Variants in DLG2 observed in about 807,000 individuals in gnomAD.
DLG2 encodes the protein disks large homolog 2.
A neutral mutation model predicts 132.5 loss-of-function variants in DLG2; 45 were observed. That is an observed-to-expected ratio of 0.34 (90% CI 0.27 to 0.44). The LOEUF (loss-of-function observed/expected upper bound fraction) is 0.44, where lower values mean the gene tolerates loss of function less well. Ranked by LOEUF, DLG2 falls within the 20% of genes least tolerant of loss-of-function variation. The pLI is 1.00. For missense variants in DLG2, 1,045 were observed against 1,196.9 expected (o/e 0.87, Z 1.87); for synonymous variants, 424 against 419.6 (o/e 1.01, Z -0.13).
chr11:85,151,380 TTG>T (rs2077238001), intron 5 of DLG2, among the ~76,000 whole-genome samples: 1 of 14,064 alleles, frequency 7.1e-5, no homozygotes, highest in Admixed American at 1.0e-3. Context: ...GCAGTACAAT[TTG>T]TTTTTTTTTT....
chr11:84,376,489 T>C (rs956847940), intron 7 of DLG2, among the ~76,000 whole-genome samples: 12 of 151,986 alleles, frequency 7.9e-5, no homozygotes, highest in Middle Eastern at 6.8e-3. Flanking sequence ...AAATTCAATT[T>C]TGAATCCTTA....
At chr11:85,248,423 A>C (rs1323589710) in intron 4 of DLG2, among the ~76,000 whole-genome samples, 1 of 152,050 alleles carries the variant, frequency 6.6e-6, no homozygotes, top group Non-Finnish European at 1.5e-5. Flanking sequence ...TTTTTAATTA[A>C]AGATTTTTTT....
Position 84,226,662 on chromosome 11 carries a change from A to T in DLG2, c.573+24576T>A, listed in dbSNP as rs571574543. 2.6e-5 allele frequency among the ~76,000 whole-genome samples: 4 copies of T among 152,356 alleles called. No individual in the cohort carries two copies. In the South Asian group the frequency reaches 8.3e-4, roughly 32 times the overall value. On this transcript the variant is annotated intron_variant, in intron 8 of 27. Transcript: ENST00000376104. ...TAAATCAATTTGTTTAATCCTTTTA[A>T]CTATCAAAAAAACAAAAATAAAAAC...
At chr11:84,501,562 G>A (rs539941376) in intron 7 of DLG2, among the ~76,000 whole-genome samples, 12 of 151,968 alleles carry the variant, frequency 7.9e-5, no homozygotes, top group East Asian at 1.9e-4. Flanking sequence ...CCGAGACTCC[G>A]TCTAAAAAAA....
chr11:83,773,194 T>C (rs574601418), intron 18 of DLG2, among the ~76,000 whole-genome samples: 2 of 152,346 alleles, frequency 1.3e-5, no homozygotes, highest in African/African-American at 4.8e-5. Flanking sequence ...GTTTGGCTCA[T>C]AGTATTTACT....
chr11:83,917,598 A>ATCCCCC, intron 15 of DLG2, among the ~76,000 whole-genome samples: 2 of 152,294 alleles, frequency 1.3e-5, no homozygotes, highest in South Asian at 4.1e-4. Flanking sequence ...CCAAGAGAAC[A>ATCCCCC]AGGATGAAAT....
intron 6 of DLG2, among the ~76,000 whole-genome samples, chr11:84,694,095 G>A (rs944323925): frequency 4.0e-5 from 6 of 151,530 alleles, no homozygotes; most frequent in African/African-American, 1.5e-4. Context: ...TTGTCACATT[G>A]CCTATAACAT....
chr11:85,039,082 A>C (rs898054707), intron 6 of DLG2, among the ~76,000 whole-genome samples: 1 of 151,916 alleles, frequency 6.6e-6, no homozygotes, highest in African/African-American at 2.4e-5. Context: ...TTTAAATTAC[A>C]TAGTCATTTT....
At chr11:85,061,772 T>A (rs745620342) in intron 6 of DLG2, among the ~76,000 whole-genome samples, 1 of 151,896 alleles carries the variant, frequency 6.6e-6, no homozygotes, top group Non-Finnish European at 1.5e-5. Flanking sequence ...TGAATAGAAA[T>A]GTTAGAAAGT....
intron 6 of DLG2, among the ~76,000 whole-genome samples, chr11:84,933,935 G>C (rs567425575): frequency 1.3e-5 from 2 of 152,138 alleles, no homozygotes; most frequent in Non-Finnish European, 2.9e-5. Flanking sequence ...TCCTTTTATT[G>C]TGCCAGTTTT....
At chr11:85,409,691 G>C (rs762366995) in intron 3 of DLG2, among the ~76,000 whole-genome samples, 1 of 151,792 alleles carries the variant, frequency 6.6e-6, no homozygotes, top group Non-Finnish European at 1.5e-5. Context: ...TATATCTGGG[G>C]GGGTGGAGAA....
At chr11:85,021,306 C>T in intron 6 of DLG2, 1 of 1,259,928 alleles carries the variant, frequency 7.9e-7, no homozygotes, top group Non-Finnish European at 1.2e-6. Context: ...AATAATCCCA[C>T]TGAAAGTCAT....
intron 9 of DLG2, among the ~76,000 whole-genome samples, chr11:84,145,330 T>C (rs762020306): frequency 3.3e-5 from 5 of 152,206 alleles, no homozygotes; most frequent in African/African-American, 9.6e-5. Flanking sequence ...TAAGCAAACA[T>C]AGATGGTATA....
At chr11:85,025,827 A>G (rs2060466747) in intron 6 of DLG2, among the ~76,000 whole-genome samples, 1 of 148,584 alleles carries the variant, frequency 6.7e-6, no homozygotes, top group Admixed American at 6.8e-5. Flanking sequence ...ATAGATTTGA[A>G]TATGTATTAG....
At chr11:84,098,294 C>T (rs1396883727) in intron 10 of DLG2, among the ~76,000 whole-genome samples, 2 of 152,076 alleles carry the variant, frequency 1.3e-5, no homozygotes, top group Non-Finnish European at 2.9e-5. Flanking sequence ...CTGCCTTGGC[C>T]TCTCAAAGTG....
At chr11:84,067,007 C>T (rs1039476401) in intron 10 of DLG2, among the ~76,000 whole-genome samples, 1 of 152,038 alleles carries the variant, frequency 6.6e-6, no homozygotes, top group Non-Finnish European at 1.5e-5. Flanking sequence ...TTTAAAAAAC[C>T]ACTAGCTAAG....
chr11:85,569,789 G>A (rs2153225292), intron 3 of DLG2, among the ~76,000 whole-genome samples: 1 of 152,268 alleles, frequency 6.6e-6, no homozygotes, highest in Non-Finnish European at 1.5e-5. Flanking sequence ...ATACACCGTT[G>A]GTAAATTAGT....
chr11:84,900,911 A>G (rs540326997), intron 6 of DLG2, among the ~76,000 whole-genome samples: 4 of 152,180 alleles, frequency 2.6e-5, no homozygotes, highest in Non-Finnish European at 4.4e-5. Context: ...ACAATATGCA[A>G]GGCCATTGAG....
chr11:84,190,174 C>CAAAA (rs35162888), intron 8 of DLG2, among the ~76,000 whole-genome samples: 6,952 of 131,980 alleles, frequency 0.053, 193 homozygotes, highest in Middle Eastern at 0.069. Flanking sequence ...GTTAAGTAGT[C>CAAAA]AAAAAAAAAA....
Sources: gnomAD v4.1 joint callset for allele counts (sites outside exome capture counted in the v4.1 genomes callset) on GRCh38, gnomAD v4.1.1 for gene constraint, MANE v1.5 for transcripts, NCBI Gene and HGNC (gene_info 2026-07-23, HGNC 2026-07-21) for gene names.